CEP85L: variants seen among roughly 807,000 people sequenced by gnomAD.
The protein encoded by CEP85L is centrosomal protein of 85 kDa-like.
A neutral mutation model predicts 100.3 loss-of-function variants in CEP85L; 60 were observed. That is an observed-to-expected ratio of 0.60 (90% confidence interval 0.49 to 0.74). The LOEUF is 0.74. CEP85L is among the 30% of genes least tolerant of loss of function. The pLI is 0.00. For missense variants in CEP85L, 973 were observed against 936.2 expected (o/e 1.04, Z -0.51); for synonymous variants, 319 against 322.7 (o/e 0.99, Z 0.12).
At chr6:118,677,909 G>A (rs1463754031) in intron 1 of CEP85L, among the ~76,000 whole-genome samples, 1 of 152,056 alleles carries the variant, frequency 6.6e-6, no homozygotes, top group Non-Finnish European at 1.5e-5. Context: ...TTTCTTGGTT[G>A]GACTACCATA....
intron 3 of CEP85L, among the ~76,000 whole-genome samples, chr6:118,526,372 T>C (rs1020765743): frequency 2.6e-5 from 4 of 152,320 alleles, no homozygotes; most frequent in Middle Eastern, 3.4e-3. Flanking sequence ...CCAGCACAAG[T>C]GACCTTCAGG....
chr6:118,694,502 T>C (rs1478193106), intron 1 of CEP85L, among the ~76,000 whole-genome samples: 2 of 152,262 alleles, frequency 1.3e-5, no homozygotes, highest in Non-Finnish European at 2.9e-5. Flanking sequence ...GCAATTGTGA[T>C]GTAATTCTCC....
chr6:118,552,611 T>A (rs1215730372), intron 3 of CEP85L, among the ~76,000 whole-genome samples: 1 of 151,982 alleles, frequency 6.6e-6, no homozygotes, highest in Non-Finnish European at 1.5e-5. Flanking sequence ...GGCTTTTCTA[T>A]TTCCTTCTTC....
chr6:118,611,839 C>T (rs1162435803), intron 2 of CEP85L, among the ~76,000 whole-genome samples: 2 of 152,088 alleles, frequency 1.3e-5, no homozygotes, highest in Non-Finnish European at 2.9e-5. Flanking sequence ...AACAATGTGG[C>T]TGCAATATAT....
intron 4 of CEP85L, among the ~76,000 whole-genome samples, chr6:118,511,976 A>C (rs899335372): frequency 2.0e-5 from 3 of 152,080 alleles, no homozygotes; most frequent in Admixed American, 6.6e-5. Flanking sequence ...AAAAAAAAAA[A>C]AACCCTTCCT....
chr6:118,601,634 C>T (rs1205691479), intron 2 of CEP85L, among the ~76,000 whole-genome samples: 2 of 152,188 alleles, frequency 1.3e-5, no homozygotes, highest in African/African-American at 4.8e-5. Context: ...GGCTACTCCA[C>T]AGACAGTGTA....
chr6:118,495,299 GT>G (rs1220750134), intron 5 of CEP85L, among the ~76,000 whole-genome samples: 1 of 152,072 alleles, frequency 6.6e-6, no homozygotes, highest in African/African-American at 2.4e-5. Flanking sequence ...GAATGACACG[GT>G]TTGGTTGTGT....
At chr6:118,525,736 T>G (rs895142507) in intron 3 of CEP85L, among the ~76,000 whole-genome samples, 1 of 152,212 alleles carries the variant, frequency 6.6e-6, no homozygotes, top group Non-Finnish European at 1.5e-5. Context: ...ATTTCTGGTG[T>G]TTAAGCTAGC....
At chr6:118,578,697 C>G (rs1054860158) in intron 2 of CEP85L, among the ~76,000 whole-genome samples, 3 of 152,096 alleles carry the variant, frequency 2.0e-5, no homozygotes, top group Non-Finnish European at 4.4e-5. Flanking sequence ...CCACTGCACT[C>G]CAGCCTGGTG....
At chr6:118,538,396 G>A (rs1777722405) in intron 3 of CEP85L, among the ~76,000 whole-genome samples, 1 of 151,776 alleles carries the variant, frequency 6.6e-6, no homozygotes, top group Admixed American at 6.6e-5. Context: ...AGAAACTGAT[G>A]ATATAAATAT....
At chr6:118,479,830 A>T (rs1289533436) in intron 10 of CEP85L, 41 bp downstream of exon 10, 1 of 1,031,512 alleles carries the variant, frequency 9.7e-7, no homozygotes. Flanking sequence ...AGAGTATATC[A>T]GAATATAGCT....
chr6:118,630,213 C>T (rs1461438359), intron 2 of CEP85L, among the ~76,000 whole-genome samples: 2 of 152,110 alleles, frequency 1.3e-5, no homozygotes, highest in African/African-American at 4.8e-5. Flanking sequence ...CATGAATATT[C>T]ATGGTTCCTT....
intron 3 of CEP85L, among the ~76,000 whole-genome samples, chr6:118,561,328 T>G (rs999839674): frequency 1.3e-5 from 2 of 152,188 alleles, no homozygotes; most frequent in Non-Finnish European, 1.5e-5. Context: ...TTCCTTTGAT[T>G]ACACTGTTTG....
chr6:118,537,633 T>G, intron 3 of CEP85L: 1 of 985,370 alleles, frequency 1.0e-6, no homozygotes. Flanking sequence ...CTATGAAAAG[T>G]TGCCAAAATA....
intron 6 of CEP85L, among the ~76,000 whole-genome samples, chr6:118,485,814 C>A (rs967220977): frequency 3.3e-5 from 5 of 152,200 alleles, no homozygotes; most frequent in African/African-American, 1.2e-4. Context: ...CCTGCTCTTG[C>A]CTTAGCAAAT....
intron 3 of CEP85L, among the ~76,000 whole-genome samples, chr6:118,564,465 T>C (rs1184243987): frequency 1.3e-5 from 2 of 152,246 alleles, no homozygotes; most frequent in African/African-American, 4.8e-5. Flanking sequence ...TAATGATTCT[T>C]CTGTTTTGAT....
upstream of CEP85L, chr6:118,652,725 T>C (rs1373398573): frequency 1.9e-6 from 3 of 1,545,444 alleles, no homozygotes; most frequent in Admixed American, 2.0e-5. Context: ...ATTTATCTGA[T>C]TGGAGTTTTA....
intron 3 of CEP85L, among the ~76,000 whole-genome samples, chr6:118,557,172 T>G (rs142787985): frequency 6.6e-6 from 1 of 152,342 alleles, no homozygotes; most frequent in Non-Finnish European, 1.5e-5. Context: ...GAATAACAAT[T>G]TGAATCTATA....
intron 2 of CEP85L, among the ~76,000 whole-genome samples, chr6:118,579,316 AATATTTTCCAATTT>A (rs1780428064): frequency 1.3e-5 from 2 of 152,054 alleles, no homozygotes; most frequent in Non-Finnish European, 2.9e-5. Flanking sequence ...TTCAAAATAA[AATATTTTCCAATTT>A]GGTCAAGGGG....
Sources: gnomAD v4.1 joint callset for allele counts (sites outside exome capture counted in the v4.1 genomes callset) on GRCh38, gnomAD v4.1.1 for gene constraint, MANE v1.5 for transcripts, NCBI Gene and HGNC (gene_info 2026-07-23, HGNC 2026-07-21) for gene names.